Variants in ROBO2 observed in about 807,000 individuals in gnomAD.
ROBO2 encodes roundabout guidance receptor 2.
Under a neutral mutation model 160.8 loss-of-function variants are expected in ROBO2, and 53 were observed. The observed-to-expected ratio is 0.33, with a 90% CI of 0.26 to 0.41. The LOEUF is 0.41. Ranked by LOEUF, ROBO2 falls within the 10% of genes least tolerant of loss-of-function variation. The probability of loss-of-function intolerance (pLI) is 1.00; values close to 1 mark genes in which losing one functional copy is unlikely to be tolerated. For missense variants in ROBO2, 1,577 were observed against 1,722.4 expected (o/e 0.92, Z 1.49); for synonymous variants, 664 against 611.7 (o/e 1.09, Z -1.26).
chr3:76,329,454 G>A (rs2073312347), intron 2 of ROBO2, among the ~76,000 whole-genome samples: 1 of 152,190 alleles, frequency 6.6e-6, no homozygotes, highest in African/African-American at 2.4e-5. Flanking sequence ...CTGACCTCAA[G>A]TGATCCGCCC....
At chr3:77,403,949 C>T (rs1255390174) in intron 2 of ROBO2, among the ~76,000 whole-genome samples, 1 of 151,854 alleles carries the variant, frequency 6.6e-6, no homozygotes, top group Non-Finnish European at 1.5e-5. Context: ...TGGCACTAGG[C>T]TCGAAAATGG....
intron 2 of ROBO2, among the ~76,000 whole-genome samples, chr3:76,319,857 C>T (rs1366610747): frequency 6.6e-6 from 1 of 151,298 alleles, no homozygotes; most frequent in African/African-American, 2.4e-5. Flanking sequence ...TATAATTTAG[C>T]TTAACGTAGA....
chr3:76,241,955 G>A (rs1216461001), intron 2 of ROBO2, among the ~76,000 whole-genome samples: 5 of 152,128 alleles, frequency 3.3e-5, no homozygotes, highest in African/African-American at 1.2e-4. Context: ...CTATTTAAGG[G>A]ATACTAGAAC....
chr3:76,877,033 TA>T (rs1473847928), intron 2 of ROBO2, among the ~76,000 whole-genome samples: 1 of 152,058 alleles, frequency 6.6e-6, no homozygotes, highest in East Asian at 1.9e-4. Context: ...AAGTCCTAGG[TA>T]AAAGGATATT....
intron 2 of ROBO2, among the ~76,000 whole-genome samples, chr3:77,405,116 A>G (rs746883740): frequency 2.4e-4 from 36 of 152,324 alleles, no homozygotes; most frequent in Non-Finnish European, 4.0e-4. Flanking sequence ...TATTTTTAAC[A>G]CATCATGAAC....
intron 4 of ROBO2, among the ~76,000 whole-genome samples, chr3:77,487,032 G>A (rs1215207020): frequency 6.6e-6 from 1 of 152,158 alleles, no homozygotes; most frequent in Admixed American, 6.6e-5. Flanking sequence ...TGGGGAAGAT[G>A]AGGACAGAGA....
chr3:77,370,355 A>T (rs2071558955), intron 2 of ROBO2, among the ~76,000 whole-genome samples: 1 of 152,226 alleles, frequency 6.6e-6, no homozygotes, highest in Non-Finnish European at 1.5e-5. Flanking sequence ...GCGTAAATGA[A>T]CCTGATCATC....
intron 2 of ROBO2, among the ~76,000 whole-genome samples, chr3:77,373,892 C>T (rs1161386102): frequency 2.7e-5 from 4 of 147,152 alleles, no homozygotes; most frequent in Admixed American, 1.4e-4. Context: ...AAAATGTTGG[C>T]GGGGCGCGAT....
chr3:76,416,481 CA>C (rs2108882924), intron 2 of ROBO2, among the ~76,000 whole-genome samples: 1 of 152,174 alleles, frequency 6.6e-6, no homozygotes, highest in East Asian at 1.9e-4. Flanking sequence ...ACATAATTTA[CA>C]TTTTGACCAT....
intron 2 of ROBO2, among the ~76,000 whole-genome samples, chr3:76,051,500 A>C (rs964325722): frequency 6.6e-6 from 1 of 152,156 alleles, no homozygotes; most frequent in Non-Finnish European, 1.5e-5. Context: ...TAAAATGCTG[A>C]AATAAGCTTC....
intron 2 of ROBO2, among the ~76,000 whole-genome samples, chr3:76,706,389 A>T (rs569360978): frequency 3.4e-4 from 51 of 152,176 alleles, no homozygotes; most frequent in Admixed American, 1.3e-3. Context: ...CATTTCTGCC[A>T]CCCAAAATTC....
chr3:77,307,964 GA>G (rs374661768), intron 2 of ROBO2, among the ~76,000 whole-genome samples: 10 of 148,586 alleles, frequency 6.7e-5, no homozygotes, highest in East Asian at 2.0e-4. Flanking sequence ...CTCAAAAAAA[GA>G]AAAAAAAAGT....
rs143830036 is a variant in ROBO2 at position 76,691,416 on chromosome 3, G to A, written c.110-406598G>A. On this transcript the variant is annotated intron_variant, in intron 2 of 26. Coordinates refer to the ROBO2 transcript ENST00000487694. ...AGTGTGAGATTAGGAAACGGGGGTTGTGATGAAATAATTAATAATGAACTA... is the reference window on the plus strand; with the variant it reads ...AGTGTGAGATTAGGAAACGGGGGTTATGATGAAATAATTAATAATGAACTA... Among the ~76,000 whole-genome samples the A allele has an allele frequency of 4.4e-4, 67 of 152,128 alleles. No individual in the cohort carries two copies. In the East Asian group the frequency reaches 0.013, roughly 29 times the overall value.
At chr3:76,718,961 C>T (rs905139935) in intron 2 of ROBO2, among the ~76,000 whole-genome samples, 16 of 152,112 alleles carry the variant, frequency 1.1e-4, no homozygotes, top group Non-Finnish European at 1.8e-4. Flanking sequence ...CAACAAAGCA[C>T]GGACATATTT....
chr3:76,878,100 C>T (rs562415416), intron 2 of ROBO2, among the ~76,000 whole-genome samples: 3 of 152,128 alleles, frequency 2.0e-5, no homozygotes, highest in East Asian at 1.9e-4. Context: ...AATTTGGTGT[C>T]GGAGTATGAT....
intron 2 of ROBO2, among the ~76,000 whole-genome samples, chr3:76,153,743 A>G (rs1283662487): frequency 2.0e-5 from 3 of 152,076 alleles, no homozygotes; most frequent in African/African-American, 7.2e-5. Flanking sequence ...TCTTTTAGCT[A>G]TGTCATCTAG....
Position 76,985,575 on chromosome 3 carries a change from GAAAAAAAAAAAAA to G in ROBO2, c.110-112421_110-112409del, listed in dbSNP as rs532632866. ...TGGGCGACAAAGCGAGACTCCGTCTGAAAAAAAAAAAAAAAAAAAAAAAAAAAAAAGAAGATAA... is the reference window on the plus strand; with the variant it reads ...TGGGCGACAAAGCGAGACTCCGTCTGAAAAAAAAAAAAAAAAAGAAGATAA... On this transcript the variant is annotated intron_variant, in intron 2 of 26. Transcript: ENST00000487694. Among the ~76,000 whole-genome samples the G allele has an allele frequency of 6.1e-4, 16 of 26,382 alleles. No homozygotes were observed. In the East Asian group the frequency reaches 9.6e-3, roughly 16 times the overall value. The allele number at this position is 26,382 out of a possible 152,430, so 17.3% of individuals were successfully genotyped here.
intron 2 of ROBO2, among the ~76,000 whole-genome samples, chr3:77,170,760 A>G (rs969809852): frequency 6.6e-6 from 1 of 152,146 alleles, no homozygotes; most frequent in Non-Finnish European, 1.5e-5. Context: ...TACCTCTCTT[A>G]AATGTCTACA....
intron 2 of ROBO2, among the ~76,000 whole-genome samples, chr3:76,823,001 C>A (rs62261806): frequency 0.13 from 19,041 of 152,028 alleles, 1,323 homozygotes; most frequent in East Asian, 0.24. Flanking sequence ...AGGACAATTA[C>A]AAACTACAAA....
Sources: gnomAD v4.1 joint callset for allele counts (sites outside exome capture counted in the v4.1 genomes callset) on GRCh38, gnomAD v4.1.1 for gene constraint, MANE v1.5 for transcripts, NCBI Gene and HGNC (gene_info 2026-07-23, HGNC 2026-07-21) for gene names.